The following RAC1 variants were observed in gnomAD, a reference collection of about 807,000 sequenced individuals.
The protein encoded by RAC1 is ras-related C3 botulinum toxin substrate 1.
A neutral mutation model predicts 25.2 loss-of-function variants in RAC1; 2 were observed. The ratio of observed to expected loss-of-function variants is 0.08; its 90% confidence interval spans 0.03 to 0.25. The LOEUF is 0.25. RAC1 is among the 10% of genes least tolerant of loss of function. The probability of loss-of-function intolerance (pLI) is 1.00; values close to 1 mark genes in which losing one functional copy is unlikely to be tolerated. For missense variants in RAC1, 50 were observed against 235.7 expected, an observed-to-expected ratio of 0.21 and a Z score of 5.16; for synonymous variants, 88 against 94.0, an observed-to-expected ratio of 0.94 and a Z score of 0.37.
At position 6,402,733 on chromosome 7, in the gene RAC1, C is replaced by CA. The variant is rs1783452622; in HGVS notation, c.*288dup. On this transcript the variant is annotated 3_prime_UTR_variant, in exon 6 of 6. Transcript: ENST00000348035. ...CCTTATTTTTCAAAAGCGCCCCCCC[C>CA]ATTCTTGTTCAGATTAAGAGTTGCC... is the stretch of plus-strand genomic sequence containing the variant. 7.0e-6 allele frequency: 2 copies of CA among 283,842 alleles called. No individual in the cohort carries two copies. The highest frequency in any genetic ancestry group is 1.3e-5 in the Non-Finnish European group (2 of 151,476). 17.6% of individuals were successfully genotyped at this position (283,842 alleles called of 1,614,324 possible). A position where few individuals can be genotyped will look rare whatever the true frequency, so the allele number is the denominator to read the frequency against.
chr7:6,384,241 A>T (rs768409), intron 1 of RAC1, among the ~76,000 whole-genome samples: 22,129 of 152,132 alleles, frequency 0.15, 1,838 homozygotes, highest in Admixed American at 0.23. Flanking sequence ...TTCACTGTCC[A>T]GTCCCCATTC....
intron 2 of RAC1, among the ~76,000 whole-genome samples, chr7:6,390,096 C>CCTTTTTTTTT (rs1554263519): frequency 9.3e-5 from 7 of 74,924 alleles, no homozygotes; most frequent in East Asian, 7.7e-4. Flanking sequence ...CCCTCCCTCC[C>CCTTTTTTTTT]TTTTTTTTTT....
intron 1 of RAC1, among the ~76,000 whole-genome samples, chr7:6,383,552 C>A (rs1190459679): frequency 6.6e-6 from 1 of 152,012 alleles, no homozygotes; most frequent in Non-Finnish European, 1.5e-5. Flanking sequence ...AATTTCTTCC[C>A]GGTTGAGCCT....
intron 3 of RAC1, among the ~76,000 whole-genome samples, chr7:6,394,418 T>G (rs1783168851): frequency 6.6e-6 from 1 of 152,204 alleles, no homozygotes; most frequent in Non-Finnish European, 1.5e-5. Flanking sequence ...GAATCAAGTC[T>G]TGTCAGAGTA....
chr7:6,376,672 G>GTTT (rs71008385), intron 1 of RAC1, among the ~76,000 whole-genome samples: 1 of 99,956 alleles, frequency 1.0e-5, no homozygotes, highest in Non-Finnish European at 1.9e-5. Flanking sequence ...CAGCTAATTT[G>GTTT]TTTTTTTTTT....
At chr7:6,380,943 A>T (rs1343600070) in intron 1 of RAC1, among the ~76,000 whole-genome samples, 1 of 152,126 alleles carries the variant, frequency 6.6e-6, no homozygotes, top group East Asian at 1.9e-4. Flanking sequence ...ATCTCTGCTC[A>T]CTGCAATCTC....
At chr7:6,375,093 T>C (rs1180905367) in intron 1 of RAC1, among the ~76,000 whole-genome samples, 1 of 152,008 alleles carries the variant, frequency 6.6e-6, no homozygotes, top group Admixed American at 6.6e-5. Context: ...GCAAGCGCTC[T>C]TGGAGATTTT....
chr7:6,376,176 CTTTTTTTTTTT>C (rs747387468), intron 1 of RAC1, among the ~76,000 whole-genome samples: 2 of 65,516 alleles, frequency 3.1e-5, no homozygotes, highest in Non-Finnish European at 2.6e-5. Context: ...GCTATTCAGG[CTTTTTTTTTTT>C]TTTTTTTTTT....
intron 2 of RAC1, among the ~76,000 whole-genome samples, chr7:6,391,024 G>A (rs892015128): frequency 6.6e-6 from 1 of 152,096 alleles, no homozygotes; most frequent in Non-Finnish European, 1.5e-5. Flanking sequence ...AGCCTCCCAA[G>A]TAGCTGGGAC....
rs1782527575 is a variant in RAC1, at chr7:6,374,670, C to T, written c.-66C>T. The T allele has an allele frequency of 8.7e-6, 9 of 1,034,932 alleles. No homozygotes were observed. Among genetic ancestry groups the T allele is most frequent in the South Asian group, 4.4e-5 (1 of 22,746 alleles). The allele number at this position is 1,034,932 out of a possible 1,614,324, so 64.1% of individuals were successfully genotyped here. The stretch of plus-strand genomic sequence containing the variant: ...GCAAGCCGCGCGCCCGTCCGCCGCG[C>T]CCCGAGCCCGCCGCTTCCTATCTCA... On this transcript the variant is annotated 5_prime_UTR_variant, in exon 1 of 6. Coordinates refer to ENST00000348035, the MANE Select transcript of RAC1 (RefSeq NM_006908.5).
At chr7:6,387,150 A>T (rs1782945418) in intron 1 of RAC1, 62 bp from the exon 2 acceptor site, 6 of 1,045,630 alleles carry the variant, frequency 5.7e-6, no homozygotes, top group Non-Finnish European at 8.6e-6. Flanking sequence ...ATTTTAACTT[A>T]ATAGTGAAAG....
In RAC1 at chr7:6,402,214, C is replaced by T. The variant is rs34551930; in HGVS notation, c.449-102C>T. The T allele has an allele frequency of 8.1e-5, 121 of 1,499,600 alleles. 1 individual carries two copies. Among genetic ancestry groups the T allele is most frequent in the African/African-American group, 6.9e-4 (49 of 71,502 alleles). The allele number at this position is 1,499,600 out of a possible 1,614,324, so 92.9% of individuals were successfully genotyped here. On this transcript the variant is annotated intron_variant, in intron 5 of 5. Transcript: ENST00000348035. Reference sequence around the variant, plus strand: ...GGAAGGTGGAAGCAGGGCTGGGAGCCGGCAGAAGGCGCCCGGGCCCCAGGA... The same window carrying T: ...GGAAGGTGGAAGCAGGGCTGGGAGCTGGCAGAAGGCGCCCGGGCCCCAGGA...
chr7:6,380,039 G>C (rs1281114133), intron 1 of RAC1, among the ~76,000 whole-genome samples: 1 of 152,176 alleles, frequency 6.6e-6, no homozygotes, highest in Non-Finnish European at 1.5e-5. Context: ...GGCCTGTCTA[G>C]CCCAATGTCT....
At chr7:6,391,281 T>G (rs1783086053) in intron 2 of RAC1, among the ~76,000 whole-genome samples, 1 of 152,146 alleles carries the variant, frequency 6.6e-6, no homozygotes, top group East Asian at 1.9e-4. Context: ...TTCTAAAGCT[T>G]GGTTTCTGCT....
At chr7:6,400,062 A>T in intron 3 of RAC1, 64 bp from the exon 4 acceptor site, 2 of 1,439,388 alleles carry the variant, frequency 1.4e-6, no homozygotes, top group Non-Finnish European at 2.0e-6. Context: ...ACATGTAGAA[A>T]GCAAAGTGCA....
intron 1 of RAC1, among the ~76,000 whole-genome samples, chr7:6,377,187 G>A (rs1023332645): frequency 1.3e-5 from 2 of 149,738 alleles, no homozygotes; most frequent in Non-Finnish European, 2.9e-5. Context: ...CTGTGGCCTT[G>A]AGTTTTCAGT....
At chr7:6,401,612 G>A (rs1334062827) in intron 4 of RAC1, 1 of 286,362 alleles carries the variant, frequency 3.5e-6, no homozygotes, top group Non-Finnish European at 6.5e-6. Flanking sequence ...CCCTTCCCCT[G>A]CGGTTGTAGA....
intron 3 of RAC1, among the ~76,000 whole-genome samples, chr7:6,395,658 G>A (rs975024125): frequency 1.3e-5 from 2 of 152,164 alleles, no homozygotes; most frequent in African/African-American, 4.8e-5. Context: ...GACCTTCTCT[G>A]ATGTTAGTGT....
intron 3 of RAC1, among the ~76,000 whole-genome samples, chr7:6,399,046 A>C (rs1783326640): frequency 6.6e-6 from 1 of 152,196 alleles, no homozygotes; most frequent in Non-Finnish European, 1.5e-5. Flanking sequence ...GAGCCGGAGC[A>C]GGACTAACCT....
Sources: allele counts gnomAD v4.1 joint callset (sites outside exome capture counted in the v4.1 genomes callset), GRCh38; gene constraint gnomAD v4.1.1; transcripts MANE v1.5; gene names NCBI Gene and HGNC (gene_info 2026-07-23, HGNC 2026-07-21).